Variants in ZNF804B observed in about 807,000 individuals in gnomAD.
ZNF804B encodes the protein zinc finger 804B.
Under a neutral mutation model 101.4 loss-of-function variants are expected in ZNF804B, and 80 were observed. The ratio of observed to expected loss-of-function variants is 0.79; its 90% CI spans 0.66 to 0.95. The LOEUF is 0.95. Ranked by LOEUF, ZNF804B falls within the 40% of genes least tolerant of loss-of-function variation. The pLI is 0.00. For synonymous variants in ZNF804B, 622 were observed against 558.8 expected, an observed-to-expected ratio of 1.11 and a Z score of -1.59; for missense variants, 1,673 against 1,561.9, an observed-to-expected ratio of 1.07 and a Z score of -1.20.
intron 1 of ZNF804B, among the ~76,000 whole-genome samples, chr7:88,960,075 CT>C (rs1793368412): frequency 6.6e-6 from 1 of 151,424 alleles, no homozygotes; most frequent in South Asian, 2.1e-4. Context: ...TAAACAAAGA[CT>C]GTTTCCCCTT....
chr7:89,130,761 A>G (rs373015806), intron 1 of ZNF804B, among the ~76,000 whole-genome samples: 1 of 151,948 alleles, frequency 6.6e-6, no homozygotes. Context: ...CAAAATGACT[A>G]TTTACTTTTT....
At chr7:89,154,053 CA>C (rs35673925) in intron 1 of ZNF804B, among the ~76,000 whole-genome samples, 54,717 of 151,742 alleles carry the variant, frequency 0.36, 9,894 homozygotes, top group Middle Eastern at 0.49. Flanking sequence ...TCTAATAATC[CA>C]ATCAAAAAAT....
intron 1 of ZNF804B, among the ~76,000 whole-genome samples, chr7:89,149,763 T>C (rs1007091781): frequency 1.3e-5 from 2 of 151,682 alleles, no homozygotes; most frequent in African/African-American, 4.8e-5. Flanking sequence ...GTGATCCCCA[T>C]TTTGGCATAC....
intron 1 of ZNF804B, among the ~76,000 whole-genome samples, chr7:88,777,142 C>G (rs1173322375): frequency 6.6e-6 from 1 of 152,190 alleles, no homozygotes; most frequent in African/African-American, 2.4e-5. Flanking sequence ...GCCCACAGTC[C>G]TGCTGGTGCT....
chr7:89,065,900 C>T (rs1789448980), intron 1 of ZNF804B, among the ~76,000 whole-genome samples: 1 of 152,102 alleles, frequency 6.6e-6, no homozygotes. Flanking sequence ...GATAATCTTC[C>T]CATTTCTAAG....
rs145849583 is a variant in ZNF804B, at chr7:88,995,767, T to C, written c.109-222388T>C. Among the ~76,000 whole-genome samples the C allele has an allele frequency of 3.7e-3, 563 of 152,164 alleles. 2 individuals carry two copies. Among genetic ancestry groups the C allele is most frequent in the South Asian group, 0.031 (147 of 4,818 alleles). Reference sequence around the variant, plus strand: ...ACACCACCCGATCAAAGTGAGAAAGTTGAGCATTAGTAGTGATAAATTATG... The same window carrying C: ...ACACCACCCGATCAAAGTGAGAAAGCTGAGCATTAGTAGTGATAAATTATG... On this transcript the variant is annotated intron_variant, in intron 1 of 3. Coordinates refer to ENST00000333190, the MANE Select transcript of ZNF804B (RefSeq NM_181646.5).
rs781587777 is a variant in ZNF804B at position 88,867,479 on chromosome 7, C to T, written c.108+107395C>T. Among the ~76,000 whole-genome samples, 147 of 152,308 alleles carry T rather than the reference C, an allele frequency of 9.7e-4. 1 individual carries two copies. The highest frequency in any genetic ancestry group is 8.8e-5 in the Non-Finnish European group (6 of 68,036). On this transcript the variant is annotated intron_variant, in intron 1 of 3. Transcript: ENST00000333190. The stretch of plus-strand genomic sequence containing the variant: ...AGTAAACAAATTTGCCTTTTCTCTG[C>T]GTCTTTGTTCATCTGCATGCTTCAC...
chr7:88,765,867 C>T (rs1327467077), intron 1 of ZNF804B, among the ~76,000 whole-genome samples: 3 of 147,064 alleles, frequency 2.0e-5, no homozygotes, highest in Admixed American at 6.7e-5. Flanking sequence ...TACCAATTTC[C>T]AAGTTACGTA....
At chr7:88,864,087 GCTTT>G (rs955847734) in intron 1 of ZNF804B, among the ~76,000 whole-genome samples, 10 of 152,116 alleles carry the variant, frequency 6.6e-5, no homozygotes, top group African/African-American at 2.4e-4. Context: ...AGAAATGACT[GCTTT>G]CTTTTTGTAA....
intron 1 of ZNF804B, among the ~76,000 whole-genome samples, chr7:88,988,587 G>A (rs1252584493): frequency 6.6e-6 from 1 of 151,450 alleles, no homozygotes; most frequent in Non-Finnish European, 1.5e-5. Flanking sequence ...CTGCTCTTTT[G>A]AGAAGGATTA....
intron 1 of ZNF804B, among the ~76,000 whole-genome samples, chr7:89,010,304 G>A (rs1788436550): frequency 6.6e-6 from 1 of 152,148 alleles, no homozygotes. Context: ...ACGGAACCAG[G>A]AATTGTTTCT....
intron 1 of ZNF804B, among the ~76,000 whole-genome samples, chr7:89,063,713 T>G (rs1227042733): frequency 6.6e-6 from 1 of 152,298 alleles, no homozygotes; most frequent in East Asian, 1.9e-4. Flanking sequence ...TAAAATTGTC[T>G]GCATCAGTGG....
At chr7:89,206,433 C>A (rs921678415) in intron 1 of ZNF804B, among the ~76,000 whole-genome samples, 2 of 152,112 alleles carry the variant, frequency 1.3e-5, no homozygotes, top group South Asian at 4.1e-4. Context: ...GCTCCATTTC[C>A]AAACTATGTA....
intron 1 of ZNF804B, among the ~76,000 whole-genome samples, chr7:89,133,192 G>T (rs541764503): frequency 3.4e-4 from 51 of 152,120 alleles, no homozygotes; most frequent in Non-Finnish European, 7.1e-4. Flanking sequence ...GGAGGTAAAT[G>T]AGCTTCTTGT....
intron 1 of ZNF804B, among the ~76,000 whole-genome samples, chr7:89,054,443 T>C (rs1789259921): frequency 6.6e-6 from 1 of 151,748 alleles, no homozygotes; most frequent in Non-Finnish European, 1.5e-5. Context: ...ATTTGTTGCA[T>C]TATTTCCTAC....
chr7:88,932,192 T>A (rs533160089), intron 1 of ZNF804B, among the ~76,000 whole-genome samples: 11 of 151,890 alleles, frequency 7.2e-5, no homozygotes, highest in African/African-American at 2.6e-4. Flanking sequence ...TGAGGGAAAC[T>A]TGGCAAGGTC....
chr7:89,327,538 G>A, intron 3 of ZNF804B, 64 bp downstream of exon 3: 5 of 1,569,000 alleles, frequency 3.2e-6, no homozygotes, highest in Non-Finnish European at 4.3e-6. Flanking sequence ...AATTTTAAAG[G>A]CAAATCTACT....
At chr7:89,264,979 T>C (rs528987785) in intron 2 of ZNF804B, among the ~76,000 whole-genome samples, 6 of 151,954 alleles carry the variant, frequency 3.9e-5, no homozygotes, top group Non-Finnish European at 7.4e-5. Flanking sequence ...TGTTCTCTTA[T>C]ATCATATCTT....
chr7:88,927,593 T>G (rs1186391360), intron 1 of ZNF804B, among the ~76,000 whole-genome samples: 6 of 152,120 alleles, frequency 3.9e-5, no homozygotes, highest in Non-Finnish European at 7.4e-5. Context: ...AGGACTCAAG[T>G]TCATTGACAT....
Sources: allele counts gnomAD v4.1 joint callset (sites outside exome capture counted in the v4.1 genomes callset), GRCh38; gene constraint gnomAD v4.1.1; transcripts MANE v1.5; gene names NCBI Gene and HGNC (gene_info 2026-07-23, HGNC 2026-07-21).